Variants in ETV5 observed in about 807,000 individuals in gnomAD.
ETV5 encodes the protein ETS variant transcription factor 5.
ETV5 carries 10 observed loss-of-function variants against 70.0 expected under a neutral mutation model. The ratio of observed to expected loss-of-function variants is 0.14; its 90% CI spans 0.09 to 0.24. The LOEUF is 0.24. Ranked by LOEUF, ETV5 falls within the 10% of genes least tolerant of loss-of-function variation. ETV5 has a pLI of 1.00. For missense variants in ETV5, 453 were observed against 651.2 expected (o/e 0.70, Z 3.31); for synonymous variants, 216 against 242.2 (o/e 0.89, Z 1.01).
In ETV5 at chr3:186,057,936, G is replaced by GCTA. The variant is rs1251653036; in HGVS notation, c.971-448_971-446dup. ...CAACCTTTCCTACTAACTCATCCAA[G>GCTA]CTACTCACATACCTCGTTCAATTAC... On this transcript the variant is annotated intron_variant, in intron 9 of 12. Coordinates refer to ENST00000306376, the MANE Select transcript of ETV5 (RefSeq NM_004454.3). This position sits in a 1 kb window ranked among gnomAD's most constrained non-coding sequence, Gnocchi z 4.9. Among the ~76,000 whole-genome samples, 2 of 152,088 alleles carry GCTA rather than the reference G, an allele frequency of 1.3e-5. No individual in the cohort carries two copies. Among genetic ancestry groups the GCTA allele is most frequent in the Non-Finnish European group, 2.9e-5 (2 of 68,026 alleles).
chr3:186,093,452 A>C (rs1714232754), intron 5 of ETV5, among the ~76,000 whole-genome samples: 1 of 152,212 alleles, frequency 6.6e-6, no homozygotes, highest in African/African-American at 2.4e-5. Context: ...AACATTCAGC[A>C]AACAATTGCC....
At chr3:186,066,265 A>AAAAAAAAAG (rs1253688926) in intron 7 of ETV5, among the ~76,000 whole-genome samples, 193 bp from the exon 8 acceptor site, 2 of 150,288 alleles carry the variant, frequency 1.3e-5, no homozygotes, top group Non-Finnish European at 3.0e-5. Flanking sequence ...GAAGTGGCAA[A>AAAAAAAAAG]AAAAAAAAAA....
At position 186,054,913 on chromosome 3, in the gene ETV5, A is replaced by G. The variant is rs1403772989; in HGVS notation, c.1209+2162T>C. ...AAAGGAACATTTGGAGCTTAGGGAA[A>G]GCTTGGGGACTTCAAGGTGGGGTGG... is the stretch of plus-strand genomic sequence containing the variant. On this transcript the variant is annotated intron_variant, in intron 11 of 12. Transcript: ENST00000306376. The surrounding 1 kb of genome is among the most constrained non-coding windows in gnomAD (Gnocchi z 4.4). 6.6e-6 allele frequency among the ~76,000 whole-genome samples: 1 copy of G among 152,212 alleles called. No homozygotes were observed. Among genetic ancestry groups the G allele is most frequent in the Non-Finnish European group, 1.5e-5 (1 of 68,032 alleles).
chr3:186,050,298 T>C (rs1712994600), intron 12 of ETV5, among the ~76,000 whole-genome samples: 1 of 152,190 alleles, frequency 6.6e-6, no homozygotes, highest in Admixed American at 6.5e-5. Context: ...CTTTGCCTAC[T>C]TATTCTCAGA....
chr3:186,049,857 C>G (rs1712983537), intron 12 of ETV5, among the ~76,000 whole-genome samples: 1 of 152,104 alleles, frequency 6.6e-6, no homozygotes, highest in African/African-American at 2.4e-5. Flanking sequence ...GGCAGGAGAG[C>G]ACAGTGGAAA....
chr3:186,083,261 A>AT (rs1713974400), intron 5 of ETV5, among the ~76,000 whole-genome samples: 1 of 152,216 alleles, frequency 6.6e-6, no homozygotes, highest in Non-Finnish European at 1.5e-5. Context: ...AGGAAAGGTA[A>AT]TGATGACCCA....
rs2150149598 is a variant in ETV5 at position 186,081,039 on chromosome 3, C to T, written c.362+7G>A. The T allele has an allele frequency of 6.2e-7, 1 of 1,604,676 alleles. No individual in the cohort carries two copies. The highest frequency in any genetic ancestry group is 8.5e-7 in the Non-Finnish European group (1 of 1,174,884). On this transcript the variant is annotated splice_region_variant and intron_variant, in intron 6 of 12. Transcript: ENST00000306376. ...CAGCCTTTCTTCGACTCCTCTTGCCCACTCACCAATAGTTGTAGAGGCACT... is the reference window on the plus strand; with the variant it reads ...CAGCCTTTCTTCGACTCCTCTTGCCTACTCACCAATAGTTGTAGAGGCACT...
At chr3:186,077,326 G>A (rs1053525314) in intron 7 of ETV5, among the ~76,000 whole-genome samples, 3 of 152,142 alleles carry the variant, frequency 2.0e-5, no homozygotes, top group African/African-American at 4.8e-5. Context: ...CTTTTGGGCA[G>A]GCATAAAAGT....
rs760059573 is a variant in ETV5, at chr3:186,057,280, G to A, written c.1040-36C>T. 1 of 1,612,024 alleles carries A rather than the reference G, an allele frequency of 6.2e-7. No individual in the cohort carries two copies. On this transcript the variant is annotated intron_variant, in intron 10 of 12. Coordinates refer to ENST00000306376, the MANE Select transcript of ETV5 (RefSeq NM_004454.3). The surrounding 1 kb of genome is among the most constrained non-coding windows in gnomAD (Gnocchi z 4.9). Reference sequence around the variant, plus strand: ...CAAGGACACATCACACAATAGCTTAGTCCTAAGTTTCTCAGGTGGTTGGGA... The same window carrying A: ...CAAGGACACATCACACAATAGCTTAATCCTAAGTTTCTCAGGTGGTTGGGA...
chr3:186,084,677 T>G (rs1714015254), intron 5 of ETV5, among the ~76,000 whole-genome samples: 1 of 152,208 alleles, frequency 6.6e-6, no homozygotes, highest in East Asian at 1.9e-4. Flanking sequence ...CATTTATAGA[T>G]AAGGATCCTG....
rs1385761538 is a variant in ETV5 at position 186,047,582 on chromosome 3, C to T, written c.*1057G>A. The stretch of plus-strand genomic sequence containing the variant: ...TAGAGAATCTAAGCTTGTGTCCAGG[C>T]TGCCCTGCACACTTCAAAAATGTAC... On this transcript the variant is annotated 3_prime_UTR_variant, in exon 13 of 13. Transcript: ENST00000306376. 1 of 232,140 alleles carries T rather than the reference C, an allele frequency of 4.3e-6. No individual in the cohort carries two copies. Among genetic ancestry groups the T allele is most frequent in the Non-Finnish European group, 8.5e-6 (1 of 117,194 alleles). 14.4% of individuals were successfully genotyped at this position (232,140 alleles called of 1,614,324 possible).
At chr3:186,085,906 C>T (rs1714046904) in intron 5 of ETV5, among the ~76,000 whole-genome samples, 5 of 152,296 alleles carry the variant, frequency 3.3e-5, no homozygotes, top group Admixed American at 3.3e-4. Context: ...ACATTCTGCT[C>T]ATTCAGACAG....
At chr3:186,108,480 T>TG in intron 1 of ETV5, 1 of 1,274,628 alleles carries the variant, frequency 7.8e-7, no homozygotes, top group South Asian at 1.2e-5. Flanking sequence ...CCCCTCCCGG[T>TG]GCTCTGGGGG....
At position 186,052,689 on chromosome 3, in the gene ETV5, C is replaced by A. The variant is rs913630210; in HGVS notation, c.1210-558G>T. 2.0e-5 allele frequency among the ~76,000 whole-genome samples: 3 copies of A among 152,174 alleles called. No individual in the cohort carries two copies. The highest frequency in any genetic ancestry group is 4.4e-5 in the Non-Finnish European group (3 of 68,036). ...CTGCCATCCAATCCCATGCTCCCAG[C>A]AGACTTGCAGAATGGACATGAAAGC... is the stretch of plus-strand genomic sequence containing the variant. On this transcript the variant is annotated intron_variant, in intron 11 of 12. Transcript: ENST00000306376. The surrounding 1 kb of genome is among the most constrained non-coding windows in gnomAD (Gnocchi z 4.5).
At position 186,105,507 on chromosome 3, in the gene ETV5, A is replaced by T. The variant is rs1226047217; in HGVS notation, c.134-11T>A. ...GATCCTGAAATAGCTCTGAAATTGA[A>T]AAAGAAGACCCCAGAATGAGGATAT... is the stretch of plus-strand genomic sequence containing the variant. On this transcript the variant is annotated splice_polypyrimidine_tract_variant and intron_variant, in intron 3 of 12. Coordinates refer to ENST00000306376, the MANE Select transcript of ETV5 (RefSeq NM_004454.3). This position sits in a 1 kb window ranked among gnomAD's most constrained non-coding sequence, Gnocchi z 4.5. 2 of 1,614,018 alleles carry T rather than the reference A, an allele frequency of 1.2e-6. No individual in the cohort carries two copies. The highest frequency in any genetic ancestry group is 2.7e-5 in the African/African-American group (2 of 74,920).
chr3:186,085,659 C>T (rs1373431071), intron 5 of ETV5, among the ~76,000 whole-genome samples: 1 of 152,040 alleles, frequency 6.6e-6, no homozygotes, highest in Non-Finnish European at 1.5e-5. Flanking sequence ...CAGGCATGCA[C>T]CACCACTCCC....
chr3:186,051,911 G>A, intron 12 of ETV5, 119 bp downstream of exon 12: 5 of 866,334 alleles, frequency 5.8e-6, no homozygotes, highest in South Asian at 3.0e-5. Flanking sequence ...TCCTACCACA[G>A]AATCACTTAG....
At chr3:186,082,779 G>A (rs1306000762) in intron 5 of ETV5, among the ~76,000 whole-genome samples, 1 of 152,120 alleles carries the variant, frequency 6.6e-6, no homozygotes, top group African/African-American at 2.4e-5. Flanking sequence ...CAGCCAACTG[G>A]CCTCTCAGGT....
intron 12 of ETV5, among the ~76,000 whole-genome samples, chr3:186,051,555 T>C (rs754018450): frequency 4.6e-5 from 7 of 152,226 alleles, no homozygotes; most frequent in Non-Finnish European, 1.0e-4. Context: ...TGAGTTCCAG[T>C]TTCTGTAAGT....
Sources: allele counts gnomAD v4.1 joint callset (sites outside exome capture counted in the v4.1 genomes callset), GRCh38; gene constraint gnomAD v4.1.1; non-coding constraint Gnocchi (gnomAD v3.1); transcripts MANE v1.5; gene names NCBI Gene and HGNC (gene_info 2026-07-23, HGNC 2026-07-21).